ZEB1: variants seen among roughly 807,000 people sequenced by gnomAD.
The protein encoded by ZEB1 is zinc finger E-box-binding homeobox 1.
Under a neutral mutation model 84.9 loss-of-function variants are expected in ZEB1, and 21 were observed. The observed-to-expected ratio is 0.25, with a 90% CI of 0.18 to 0.36. The LOEUF is 0.36. Ranked by LOEUF, ZEB1 falls within the 10% of genes least tolerant of loss-of-function variation. ZEB1 has a pLI of 1.00. For synonymous variants in ZEB1, 420 were observed against 471.1 expected (o/e 0.89, Z 1.41); for missense variants, 1,104 against 1,330.2 (o/e 0.83, Z 2.65).
intron 1 of ZEB1, among the ~76,000 whole-genome samples, chr10:31,391,654 G>C (rs973830419): frequency 6.6e-6 from 1 of 152,130 alleles, no homozygotes; most frequent in African/African-American, 2.4e-5. Flanking sequence ...AATGAGTTGT[G>C]TCTGCATTTT....
chr10:31,352,346 C>T (rs1023028643), intron 1 of ZEB1, among the ~76,000 whole-genome samples: 1 of 152,024 alleles, frequency 6.6e-6, no homozygotes, highest in African/African-American at 2.4e-5. Flanking sequence ...TTTCGGTAGT[C>T]ACAAAAAAAC....
At position 31,321,740 on chromosome 10, in the gene ZEB1, C is replaced by A. The variant is rs762566557; in HGVS notation, c.58+2448C>A. 365 of 662,808 alleles carry A rather than the reference C, an allele frequency of 5.5e-4. 2 individuals carry two copies. The highest frequency in any genetic ancestry group is 6.7e-4 in the Non-Finnish European group (254 of 380,996). The allele number at this position is 662,808 out of a possible 1,614,324, so 41.1% of individuals were successfully genotyped here. A position where few individuals can be genotyped will look rare whatever the true frequency, so the allele number is the denominator to read the frequency against. Reference sequence around the variant, plus strand: ...GATCCTGTGATATGAATATTACACTCGTAAGGCATATCAACAGATGACTTA... The same window carrying A: ...GATCCTGTGATATGAATATTACACTAGTAAGGCATATCAACAGATGACTTA... On this transcript the variant is annotated intron_variant, in intron 1 of 8. Transcript: ENST00000424869.
At chr10:31,379,399 C>A (rs1029847550) in intron 1 of ZEB1, among the ~76,000 whole-genome samples, 2 of 151,620 alleles carry the variant, frequency 1.3e-5, no homozygotes, top group Non-Finnish European at 2.9e-5. Flanking sequence ...GAAACTTAAC[C>A]AATTCTCCTC....
chr10:31,491,781 T>G (rs220066), intron 2 of ZEB1, among the ~76,000 whole-genome samples: 29,597 of 151,860 alleles, frequency 0.19, 5,951 homozygotes, highest in African/African-American at 0.52. Context: ...GTATATATTT[T>G]TAATCATTAT....
At chr10:31,327,903 G>A (rs2035937879) in intron 1 of ZEB1, among the ~76,000 whole-genome samples, 1 of 152,046 alleles carries the variant, frequency 6.6e-6, no homozygotes, top group African/African-American at 2.4e-5. Context: ...TGTTTATTAG[G>A]GAGGTTGATC....
intron 1 of ZEB1, among the ~76,000 whole-genome samples, chr10:31,379,553 G>A (rs1256235356): frequency 2.6e-5 from 4 of 151,750 alleles, no homozygotes; most frequent in Admixed American, 2.0e-4. Context: ...TAAAGCGTGG[G>A]TCAATCTGTG....
chr10:31,419,934 A>G (rs2055868970), intron 1 of ZEB1, among the ~76,000 whole-genome samples: 1 of 152,148 alleles, frequency 6.6e-6, no homozygotes, highest in Non-Finnish European at 1.5e-5. Context: ...CCGAAGTAGT[A>G]TGTCTGGAAT....
At chr10:31,417,881 T>G (rs2055486946) in intron 1 of ZEB1, among the ~76,000 whole-genome samples, 1 of 152,038 alleles carries the variant, frequency 6.6e-6, no homozygotes, top group Non-Finnish European at 1.5e-5. Context: ...CAGTCTATTC[T>G]CTCAGCCTGC....
chr10:31,475,106 T>A (rs2063908328), intron 2 of ZEB1, among the ~76,000 whole-genome samples: 1 of 151,864 alleles, frequency 6.6e-6, no homozygotes, highest in African/African-American at 2.4e-5. Context: ...ATATACCTAA[T>A]GCTAGATGAC....
In ZEB1 at chr10:31,523,932, G is replaced by A. The variant is rs1464814138; in HGVS notation, c.2605-1G>A. On this transcript the variant is annotated splice_acceptor_variant, in intron 7 of 8. Transcript: ENST00000424869. LOFTEE classifies it high-confidence loss of function. ...ATTTTCTCACACCTTTCTCCCTCTA[G>A]GATGAAAGACAAGATACTAGCTCAG... The A allele has an allele frequency of 6.2e-7, 1 of 1,613,588 alleles. No individual in the cohort carries two copies.
At chr10:31,323,523 C>G (rs2034655129) in intron 1 of ZEB1, among the ~76,000 whole-genome samples, 1 of 151,894 alleles carries the variant, frequency 6.6e-6, no homozygotes, top group Middle Eastern at 3.2e-3. Context: ...TACTGGTAGC[C>G]CTCCCCCACC....
chr10:31,474,318 A>G (rs1218310174), intron 2 of ZEB1, among the ~76,000 whole-genome samples: 2 of 151,744 alleles, frequency 1.3e-5, no homozygotes, highest in East Asian at 1.9e-4. Flanking sequence ...TCATCTGACA[A>G]AGGGCTAATA....
At chr10:31,487,769 C>T (rs911932175) in intron 2 of ZEB1, among the ~76,000 whole-genome samples, 21 of 151,200 alleles carry the variant, frequency 1.4e-4, no homozygotes, top group African/African-American at 5.1e-4. Context: ...CTTGTAGATA[C>T]GCTTTATCAA....
At chr10:31,466,878 A>G (rs2062502763) in intron 2 of ZEB1, among the ~76,000 whole-genome samples, 1 of 152,180 alleles carries the variant, frequency 6.6e-6, no homozygotes, top group Non-Finnish European at 1.5e-5. Context: ...AAAAGGAGGG[A>G]ATATCCAAAT....
chr10:31,377,286 A>C (rs1044837173), intron 1 of ZEB1, among the ~76,000 whole-genome samples: 5 of 151,656 alleles, frequency 3.3e-5, no homozygotes, highest in Admixed American at 1.3e-4. Flanking sequence ...CTATCCTTCT[A>C]CTTAGGCTCT....
intron 1 of ZEB1, chr10:31,363,773 G>T: frequency 1.5e-6 from 2 of 1,290,976 alleles, no homozygotes; most frequent in African/African-American, 1.5e-5. Context: ...ACCACAGGAC[G>T]CAGGACCCTC....
At chr10:31,420,219 A>G (rs546990021) in intron 1 of ZEB1, among the ~76,000 whole-genome samples, 8 of 152,174 alleles carry the variant, frequency 5.3e-5, no homozygotes, top group Admixed American at 4.6e-4. Flanking sequence ...TTGCTGCGTA[A>G]CAAATGACAA....
At chr10:31,522,443 G>T (rs534954336) in intron 7 of ZEB1, among the ~76,000 whole-genome samples, 14 of 152,288 alleles carry the variant, frequency 9.2e-5, no homozygotes, top group African/African-American at 2.9e-4. Flanking sequence ...AACGCATCTT[G>T]TGAATTTACT....
At chr10:31,407,652 A>C (rs1193237015) in intron 1 of ZEB1, among the ~76,000 whole-genome samples, 1 of 152,212 alleles carries the variant, frequency 6.6e-6, no homozygotes, top group African/African-American at 2.4e-5. Flanking sequence ...CCACATGATT[A>C]TCTCAATAGA....
Sources: allele counts gnomAD v4.1 joint callset (sites outside exome capture counted in the v4.1 genomes callset), GRCh38; gene constraint gnomAD v4.1.1; transcripts MANE v1.5; gene names NCBI Gene and HGNC (gene_info 2026-07-23, HGNC 2026-07-21).